The following RASSF6 variants were observed in gnomAD, a reference collection of about 807,000 sequenced individuals.
RASSF6 encodes the protein ras association domain-containing protein 6.
RASSF6 carries 52 observed loss-of-function variants against 44.0 expected under a neutral mutation model. The ratio of observed to expected loss-of-function variants is 1.18; its 90% CI spans 0.95 to 1.49. The LOEUF (loss-of-function observed/expected upper bound fraction) is 1.49, where lower values mean the gene tolerates loss of function less well. RASSF6 is among the 40% of genes most tolerant of loss of function. RASSF6 has a pLI of 0.00. For synonymous variants in RASSF6, 162 were observed against 124.6 expected (o/e 1.30, Z -2.00); for missense variants, 464 against 393.3 (o/e 1.18, Z -1.52).
In RASSF6 at chr4:73,576,687, G is replaced by T. The variant is rs757688449; in HGVS notation, c.766C>A (p.Leu256Ile). The T allele has an allele frequency of 3.2e-5, 51 of 1,613,310 alleles. No individual in the cohort carries two copies. The East Asian group carries it at 1.1e-3, about 36-fold the overall frequency. ...TTCTTTTCAGAAGGTCCCTGTAGGA[G>T]CCTCTGCAGTAGCGGAATGTCTGTC... ...KKTDIPLLQRLLQGPSEKNAR... is the reference protein window; with the variant it reads ...KKTDIPLLQRILQGPSEKNAR... Residue 256 changes from leucine (L) to isoleucine (I), a missense_variant, in exon 9 of 11, where the codon CTC becomes ATC. Transcript: ENST00000307439.
At position 73,611,735 on chromosome 4, in the gene RASSF6, T is replaced by C. The variant is rs1210793268; in HGVS notation, c.61A>G (p.Thr21Ala). 1 of 1,596,840 alleles carries C rather than the reference T, an allele frequency of 6.3e-7. No individual in the cohort carries two copies. The highest frequency in any genetic ancestry group is 8.6e-7 in the Non-Finnish European group (1 of 1,164,984). ...TAATATAAGGTGTGTGGTTACCTGG[T>C]TATGAATGTCTTCTCATTAATGAAG... ...WIFINEKTFI[T>A]REQLNSLLKT... The change falls in exon 2 of 11, where the codon ACC (threonine) becomes GCC (alanine). Residue 21 changes from threonine (T) to alanine (A), a missense_variant. Physicochemically the swap from Thr to Ala is moderately conservative, Grantham distance 58. Transcript: ENST00000307439.
intron 1 of RASSF6, among the ~76,000 whole-genome samples, chr4:73,617,697 G>A (rs1726450752): frequency 6.6e-6 from 1 of 152,230 alleles, no homozygotes; most frequent in African/African-American, 2.4e-5. Flanking sequence ...CCTGAAAGCA[G>A]TGGTATTAGT....
chr4:73,576,224 A>C lies in RASSF6; in HGVS notation c.*11T>G, dbSNP rs1553901001. The C allele has an allele frequency of 6.8e-7, 1 of 1,471,074 alleles. No individual in the cohort carries two copies. Among genetic ancestry groups the C allele is most frequent in the South Asian group, 1.2e-5 (1 of 84,254 alleles). The allele number at this position is 1,471,074 out of a possible 1,614,324, so 91.1% of individuals were successfully genotyped here. A position where few individuals can be genotyped will look rare whatever the true frequency, so the allele number is the denominator to read the frequency against. On this transcript the variant is annotated 3_prime_UTR_variant, in exon 11 of 11. Transcript: ENST00000307439. ...TTTTTTGAAATGTTTTAGCAATAGA[A>C]GCTTGTACTGCTAAACTGTTGTCTC...
intron 6 of RASSF6, among the ~76,000 whole-genome samples, chr4:73,583,063 A>T (rs945233678): frequency 3.3e-5 from 5 of 152,094 alleles, no homozygotes; most frequent in African/African-American, 1.2e-4. Context: ...GGTGAATATG[A>T]TATGTTGTAC....
chr4:73,611,657 T>C, intron 2 of RASSF6, 74 bp downstream of exon 2: 2 of 870,822 alleles, frequency 2.3e-6, no homozygotes, highest in Non-Finnish European at 3.8e-6. Context: ...TACATCATGC[T>C]TAGAAAACTT....
intron 1 of RASSF6, among the ~76,000 whole-genome samples, chr4:73,618,234 T>C (rs897913551): frequency 1.3e-5 from 2 of 151,832 alleles, no homozygotes; most frequent in Non-Finnish European, 2.9e-5. Flanking sequence ...TAAAATGTTA[T>C]ACACGTGAGA....
At chr4:73,601,724 G>A (rs1205709125) in intron 2 of RASSF6, among the ~76,000 whole-genome samples, 1 of 152,222 alleles carries the variant, frequency 6.6e-6, no homozygotes, top group Non-Finnish European at 1.5e-5. Context: ...TTTTGAAGAT[G>A]ATTAGTTTAT....
At position 73,602,216 on chromosome 4, in the gene RASSF6, G is replaced by A. The variant is rs572288535; in HGVS notation, c.66-3498C>T. Among the ~76,000 whole-genome samples, 4 of 152,172 alleles carry A rather than the reference G, an allele frequency of 2.6e-5. No individual in the cohort carries two copies. In the South Asian group the frequency reaches 8.3e-4, roughly 32 times the overall value. Reference sequence around the variant, plus strand: ...TTGGAATTCACTTCGCAGGCAATGGGCAGCTATTGAAGATTCTAGGCAGGT... The same window carrying A: ...TTGGAATTCACTTCGCAGGCAATGGACAGCTATTGAAGATTCTAGGCAGGT... On this transcript the variant is annotated intron_variant, in intron 2 of 10. Coordinates refer to ENST00000307439, the MANE Select transcript of RASSF6 (RefSeq NM_177532.5).
intron 8 of RASSF6, among the ~76,000 whole-genome samples, chr4:73,577,696 T>G (rs1723327842): frequency 6.6e-6 from 1 of 152,152 alleles, no homozygotes. Context: ...ACAACTTAGC[T>G]CCTCTCATCC....
At chr4:73,603,253 C>G (rs1431861442) in intron 2 of RASSF6, among the ~76,000 whole-genome samples, 2 of 152,166 alleles carry the variant, frequency 1.3e-5, no homozygotes, top group African/African-American at 2.4e-5. Flanking sequence ...TCATCAAACA[C>G]TATATAAGGA....
At position 73,598,839 on chromosome 4, in the gene RASSF6, T is replaced by C. The variant is rs143667067; in HGVS notation, c.66-121A>G. On this transcript the variant is annotated intron_variant, in intron 2 of 10. Coordinates refer to ENST00000307439, the MANE Select transcript of RASSF6 (RefSeq NM_177532.5). Reference sequence around the variant, plus strand: ...TAGTTTAATGGAATCTTTACTGTTCTGTCACTTTAACTTAACATAAGTCAT... The same window carrying C: ...TAGTTTAATGGAATCTTTACTGTTCCGTCACTTTAACTTAACATAAGTCAT... The C allele has an allele frequency of 5.0e-3, 2,523 of 501,532 alleles. 11 individuals are homozygous for C. The highest frequency in any genetic ancestry group is 5.4e-3 in the Non-Finnish European group (1,567 of 290,996). The allele number at this position is 501,532 out of a possible 1,614,324, so 31.1% of individuals were successfully genotyped here.
At chr4:73,595,854 C>T (rs1037838428) in intron 3 of RASSF6, among the ~76,000 whole-genome samples, 3 of 152,064 alleles carry the variant, frequency 2.0e-5, no homozygotes, top group African/African-American at 7.2e-5. Flanking sequence ...ATCATTTAAG[C>T]TCAATAGGAA....
chr4:73,587,813 C>T lies in RASSF6; in HGVS notation c.382+27G>A, dbSNP rs376410440. ...TTTACACTAATTAAAAATTAAGTCT[C>T]CCAATCAATAAGATTTTGATACTGA... On this transcript the variant is annotated intron_variant, in intron 5 of 10. Transcript: ENST00000307439. The T allele has an allele frequency of 3.5e-6, 5 of 1,440,288 alleles. No homozygotes were observed. The African/African-American group carries it at 5.6e-5, about 16-fold the overall frequency. The allele number at this position is 1,440,288 out of a possible 1,614,324, so 89.2% of individuals were successfully genotyped here.
At chr4:73,598,567 A>AG in intron 3 of RASSF6, 73 bp downstream of exon 3, 1 of 449,694 alleles carries the variant, frequency 2.2e-6, no homozygotes, top group Non-Finnish European at 3.4e-6. Context: ...TTCTTCCAGA[A>AG]TTGTGTGTGT....
chr4:73,618,301 T>TCATCTATCTATCTATCTATC (rs141840617), intron 1 of RASSF6, among the ~76,000 whole-genome samples: 2 of 150,216 alleles, frequency 1.3e-5, no homozygotes, highest in Non-Finnish European at 3.0e-5. Context: ...TATAAAGTTG[T>TCATCTATCTATCTATCTATC]TATCTATCTA....
chr4:73,610,659 C>A (rs1725945675), intron 2 of RASSF6, among the ~76,000 whole-genome samples: 1 of 152,186 alleles, frequency 6.6e-6, no homozygotes, highest in Non-Finnish European at 1.5e-5. Flanking sequence ...TGCTTTCTCC[C>A]TTTCTGCAGG....
intron 3 of RASSF6, among the ~76,000 whole-genome samples, chr4:73,596,753 T>C (rs1268346795): frequency 6.6e-6 from 1 of 152,134 alleles, no homozygotes; most frequent in Non-Finnish European, 1.5e-5. Flanking sequence ...CAAAACAGCA[T>C]GATACTGGTA....
chr4:73,590,628 A>G (rs1313694242), intron 4 of RASSF6, among the ~76,000 whole-genome samples: 1 of 152,210 alleles, frequency 6.6e-6, no homozygotes, highest in Non-Finnish European at 1.5e-5. Context: ...GAAACCAGGG[A>G]AAAGCCACTT....
intron 4 of RASSF6, among the ~76,000 whole-genome samples, chr4:73,589,394 T>C (rs1442738644): frequency 6.6e-6 from 1 of 151,854 alleles, no homozygotes; most frequent in African/African-American, 2.4e-5. Context: ...GGGTTAGGAA[T>C]GGAAAAGTCA....
Sources: allele counts gnomAD v4.1 joint callset (sites outside exome capture counted in the v4.1 genomes callset), GRCh38; gene constraint gnomAD v4.1.1; transcripts MANE v1.5; gene names NCBI Gene and HGNC (gene_info 2026-07-23, HGNC 2026-07-21).